The following EVI5L variants were observed in gnomAD, a reference collection of about 807,000 sequenced individuals.
EVI5L encodes the protein EVI5-like protein.
In EVI5L, 30 loss-of-function variants were observed where a neutral mutation model predicts 106.1. The observed-to-expected ratio is 0.28, with a 90% confidence interval of 0.21 to 0.38. The LOEUF is 0.38. Ranked by LOEUF, EVI5L falls within the 10% of genes least tolerant of loss-of-function variation. The pLI is 1.00. For missense variants in EVI5L, 809 were observed against 1,098.0 expected, an observed-to-expected ratio of 0.74 and a Z score of 3.72; for synonymous variants, 489 against 483.3, an observed-to-expected ratio of 1.01 and a Z score of -0.15.
Position 7,857,240 on chromosome 19 carries a change from T to C in EVI5L, c.1233+116T>C, listed in dbSNP as rs935880021. ...CATTCTGCGGGCAGGCCTGGCGCCA[T>C]GCATGGAGCAGCTGGGGACCGCTTC... On this transcript the variant is annotated intron_variant, in intron 12 of 19. Coordinates refer to ENST00000538904, the MANE Select transcript of EVI5L (RefSeq NM_001159944.3). The surrounding 1 kb of genome is among the most constrained non-coding windows in gnomAD (Gnocchi z 4.5). 7.1e-7 allele frequency: 1 copy of C among 1,404,212 alleles called. No individual in the cohort carries two copies. The highest frequency in any genetic ancestry group is 1.2e-5 in the South Asian group (1 of 80,914). The allele number at this position is 1,404,212 out of a possible 1,614,324, so 87.0% of individuals were successfully genotyped here. A position where few individuals can be genotyped will look rare whatever the true frequency, so the allele number is the denominator to read the frequency against.
chr19:7,863,467 C>G lies in EVI5L; in HGVS notation c.2183C>G (p.Ala728Gly). Reference protein sequence around the residue: ...KGPPPFEDPLAFDGLSLARHL... With the variant: ...KGPPPFEDPLGFDGLSLARHL... ...CCGCCGCCCTTCGAGGACCCGCTGGCTTTCGATGGGCTGAGCCTGGCGCGG... is the reference window on the plus strand; with the variant it reads ...CCGCCGCCCTTCGAGGACCCGCTGGGTTTCGATGGGCTGAGCCTGGCGCGG... Residue 728 changes from alanine (A) to glycine (G), a missense_variant, in exon 20 of 20, where the codon GCT (alanine) becomes GGT (glycine). Ala to Gly is a moderately conservative substitution (Grantham distance 60, BLOSUM62 0). This residue lies in a region of EVI5L where 452 missense variants were observed against 509.9 expected (regional missense o/e 0.89). Transcript: ENST00000538904. This position sits in a 1 kb window ranked among gnomAD's most constrained non-coding sequence, Gnocchi z 7.7. 1.3e-6 allele frequency: 2 copies of G among 1,565,862 alleles called. No individual in the cohort carries two copies. Among genetic ancestry groups the G allele is most frequent in the Non-Finnish European group, 1.7e-6 (2 of 1,156,836 alleles).
In EVI5L at chr19:7,862,062, C is replaced by A. The variant is rs770195325; in HGVS notation, c.1644+44C>A. 4.5e-6 allele frequency: 7 copies of A among 1,544,454 alleles called. No individual in the cohort carries two copies. In the South Asian group the frequency reaches 8.4e-5, roughly 18 times the overall value. The stretch of plus-strand genomic sequence containing the variant: ...CCGGCGGGCAGAGCGCCCCCTAGGG[C>A]CATCCCCTCGGGGTTCTTGGGCGGA... On this transcript the variant is annotated intron_variant, in intron 15 of 19. Coordinates refer to ENST00000538904, the MANE Select transcript of EVI5L (RefSeq NM_001159944.3).
rs549974989 is a variant in EVI5L, at chr19:7,845,666, G to T, written c.-47-830G>T. 6.6e-6 allele frequency among the ~76,000 whole-genome samples: 1 copy of T among 152,352 alleles called. No individual in the cohort carries two copies. The highest frequency in any genetic ancestry group is 1.9e-4 in the East Asian group (1 of 5,184). ...TCAGACGCAGATCCATTTGAGCCCA[G>T]TACCTTTGTTTTTGACATGGCATTG... On this transcript the variant is annotated intron_variant, in intron 1 of 19. Coordinates refer to ENST00000538904, the MANE Select transcript of EVI5L (RefSeq NM_001159944.3). The surrounding 1 kb of genome is among the most constrained non-coding windows in gnomAD (Gnocchi z 4.0).
At position 7,848,458 on chromosome 19, in the gene EVI5L, G is replaced by A. The variant is rs1047856339; in HGVS notation, c.328-463G>A. The stretch of plus-strand genomic sequence containing the variant: ...CTAAAAATACAAAAATTAGCTGGGC[G>A]TGGTGGCGTGCACCTGTAATCCCAG... On this transcript the variant is annotated intron_variant, in intron 3 of 19. Transcript: ENST00000538904. This position sits in a 1 kb window ranked among gnomAD's most constrained non-coding sequence, Gnocchi z 4.8. 5.3e-5 allele frequency among the ~76,000 whole-genome samples: 8 copies of A among 152,072 alleles called. No individual in the cohort carries two copies. The highest frequency in any genetic ancestry group is 6.5e-5 in the Admixed American group (1 of 15,270).
intron 1 of EVI5L, among the ~76,000 whole-genome samples, chr19:7,838,577 A>C (rs1978453233): frequency 6.6e-6 from 1 of 152,206 alleles, no homozygotes; most frequent in South Asian, 2.1e-4. Context: ...TTTCATCTTC[A>C]TTTATTCAAC....
At position 7,862,172 on chromosome 19, in the gene EVI5L, C is replaced by G. The variant is rs1400272526; in HGVS notation, c.1695C>G (p.Val565=). Reference sequence around the variant, plus strand: ...GGAAGGAGTCCCCACGGAAGCTGGTCGTGGGCGAGCTGCAGGACGAGCTGA... The same window carrying G: ...GGAAGGAGTCCCCACGGAAGCTGGTGGTGGGCGAGCTGCAGGACGAGCTGA... The part of the protein sequence containing the change: ...GRWKESPRKL[V]VGELQDELMS... Residue 565 remains valine, a synonymous_variant, in exon 16 of 20, where the codon GTC becomes GTG. Transcript: ENST00000538904. The G allele has an allele frequency of 1.9e-6, 3 of 1,576,090 alleles. No homozygotes were observed. Among genetic ancestry groups the G allele is most frequent in the African/African-American group, 1.3e-5 (1 of 74,632 alleles).
rs1002167481 is a variant in EVI5L, at chr19:7,853,014, A to C, written c.988-72A>C. On this transcript the variant is annotated intron_variant, in intron 8 of 19. Coordinates refer to ENST00000538904, the MANE Select transcript of EVI5L (RefSeq NM_001159944.3). The stretch of plus-strand genomic sequence containing the variant: ...CCCGTTCCTGCCCCCCTCCAGGGCA[A>C]CAGGGCTCGGGCGGCCCCCGGTGGT... 18 of 1,522,154 alleles carry C rather than the reference A, an allele frequency of 1.2e-5. No individual in the cohort carries two copies. The African/African-American group carries it at 2.0e-4, about 17-fold the overall frequency. 94.3% of individuals were successfully genotyped at this position (1,522,154 alleles called of 1,614,324 possible).
At chr19:7,846,235 G>A (rs953402045) in intron 1 of EVI5L, among the ~76,000 whole-genome samples, 1 of 152,196 alleles carries the variant, frequency 6.6e-6, no homozygotes, top group Admixed American at 6.5e-5. Flanking sequence ...ACAGCAGGAC[G>A]GCTCACATCC....
chr19:7,853,684 C>G (rs1321011132), intron 10 of EVI5L: 1 of 327,844 alleles, frequency 3.1e-6, no homozygotes, highest in African/African-American at 2.2e-5. Flanking sequence ...GGCAGAGGCT[C>G]CGGGCCCAGG....
At chr19:7,853,890 C>T (rs939050055) in intron 10 of EVI5L, among the ~76,000 whole-genome samples, 5 of 152,202 alleles carry the variant, frequency 3.3e-5, no homozygotes, top group African/African-American at 1.2e-4. Context: ...AACTGGCCCA[C>T]CAGCCCTGCC....
chr19:7,852,850 G>A (rs756186120), intron 8 of EVI5L: 150 of 533,244 alleles, frequency 2.8e-4, no homozygotes, highest in Admixed American at 2.6e-3. Context: ...ACCACATCCA[G>A]CATCTGCCAG....
chr19:7,863,773 T>C lies in EVI5L; in HGVS notation c.*71T>C. ...GGCGCCCGGGCAGTCCGCGTTCTGC[T>C]CCCCACCTGCCGCACTTGACAAACT... On this transcript the variant is annotated 3_prime_UTR_variant, in exon 20 of 20. Transcript: ENST00000538904. This position sits in a 1 kb window ranked among gnomAD's most constrained non-coding sequence, Gnocchi z 7.7. 1 of 1,414,856 alleles carries C rather than the reference T, an allele frequency of 7.1e-7. No individual in the cohort carries two copies. Among genetic ancestry groups the C allele is most frequent in the Non-Finnish European group, 9.2e-7 (1 of 1,090,176 alleles). 87.6% of individuals were successfully genotyped at this position (1,414,856 alleles called of 1,614,324 possible).
rs571090708 is a variant in EVI5L, at chr19:7,842,272, T to C, written c.-47-4224T>C. On this transcript the variant is annotated intron_variant, in intron 1 of 19. Transcript: ENST00000538904. ...AAGTGTGTGCATGTGTACATGTGTA[T>C]GAATGTGCATGGGTATGTATCCAGT... is the stretch of plus-strand genomic sequence containing the variant. Among the ~76,000 whole-genome samples, 9 of 151,464 alleles carry C rather than the reference T, an allele frequency of 5.9e-5. 1 individual carries two copies. The South Asian group carries it at 1.5e-3, about 25-fold the overall frequency.
In EVI5L at chr19:7,859,926, C is replaced by T. The variant is rs112116117; in HGVS notation, c.1375-635C>T. ...TGGTGGCTGGGAGGGCTGAGGCAGT[C>T]CCCCAGAGAACTGTCCTGCCAGGCC... On this transcript the variant is annotated intron_variant, in intron 13 of 19. Coordinates refer to ENST00000538904, the MANE Select transcript of EVI5L (RefSeq NM_001159944.3). Among the ~76,000 whole-genome samples, 1,378 of 152,324 alleles carry T rather than the reference C, an allele frequency of 9.0e-3. 23 individuals carry two copies. Among genetic ancestry groups the T allele is most frequent in the African/African-American group, 0.031 (1,277 of 41,560 alleles).
At chr19:7,846,203 G>C (rs1475917151) in intron 1 of EVI5L, among the ~76,000 whole-genome samples, 1 of 152,220 alleles carries the variant, frequency 6.6e-6, no homozygotes, top group African/African-American at 2.4e-5. Flanking sequence ...GTCGAGTTGA[G>C]CCTTGGCCTT....
intron 1 of EVI5L, among the ~76,000 whole-genome samples, chr19:7,839,791 C>T (rs935845004): frequency 1.2e-4 from 19 of 152,016 alleles, no homozygotes; most frequent in South Asian, 2.1e-4. Context: ...GGCATGGTGG[C>T]GAATATCTGT....
At chr19:7,855,725 G>A (rs541527256) in intron 10 of EVI5L, among the ~76,000 whole-genome samples, 124 of 152,356 alleles carry the variant, frequency 8.1e-4, no homozygotes, top group African/African-American at 3.0e-3. Flanking sequence ...CTGAGGGGGC[G>A]TGGGTACTGA....
In EVI5L at chr19:7,858,208, G is replaced by A. The variant is rs1329577464; in HGVS notation, c.1251G>A (p.Ala417=). 1.9e-6 allele frequency: 3 copies of A among 1,565,680 alleles called. No homozygotes were observed. Among genetic ancestry groups the A allele is most frequent in the African/African-American group, 1.4e-5 (1 of 73,928 alleles). The part of the protein sequence containing the change: ...DRLIQGQVTR[A]QEAEENYVIK... ...GTTCTCAGGGGCAAGTGACACGGGC[G>A]CAGGAGGCGGAGGAGAACTACGTCA... Residue 417 remains alanine, a synonymous_variant, in exon 13 of 20, where the codon GCG becomes GCA. Transcript: ENST00000538904. The surrounding 1 kb of genome is among the most constrained non-coding windows in gnomAD (Gnocchi z 5.7).
intron 13 of EVI5L, among the ~76,000 whole-genome samples, chr19:7,859,872 G>A (rs549561243): frequency 4.6e-5 from 7 of 152,378 alleles, no homozygotes; most frequent in African/African-American, 1.2e-4. Flanking sequence ...ACCGTCACAC[G>A]TGGATCTCAG....
Sources: gnomAD v4.1 joint callset for allele counts (sites outside exome capture counted in the v4.1 genomes callset) on GRCh38, gnomAD v4.1.1 for gene constraint, gnomAD v4.1.1 regional missense constraint, Gnocchi (gnomAD v3.1) non-coding constraint, MANE v1.5 for transcripts, NCBI Gene and HGNC (gene_info 2026-07-23, HGNC 2026-07-21) for gene names.